CLIC2: variants seen among roughly 807,000 people sequenced by gnomAD.
CLIC2 encodes the protein CLIC family member 2, also known as chloride intracellular channel protein 2.
Under a neutral mutation model 14.8 loss-of-function variants are expected in CLIC2, and 9 were observed. The observed-to-expected ratio is 0.61, with a 90% CI of 0.37 to 1.06. CLIC2 has a LOEUF of 1.06. Among genes scored for constraint, CLIC2 ranks in the 50% least tolerant of loss-of-function variants. CLIC2 has a pLI of 0.01. For missense variants in CLIC2, 148 were observed against 181.4 expected (o/e 0.82, Z 1.06); for synonymous variants, 61 against 66.3 (o/e 0.92, Z 0.39).
intron 1 of CLIC2, among the ~76,000 whole-genome samples, chrX:155,307,498 G>T (rs1227326287): frequency 2.7e-5 from 3 of 111,104 alleles, no homozygotes; most frequent in African/African-American, 9.8e-5. Context: ...CTTTTCAAAA[G>T]AATTATTAAG....
intron 3 of CLIC2, among the ~76,000 whole-genome samples, chrX:155,287,407 C>T (rs933693260): frequency 9.0e-6 from 1 of 111,338 alleles, no homozygotes; most frequent in Non-Finnish European, 1.9e-5. Flanking sequence ...GATCTTGGCT[C>T]ACTGCAACCT....
intron 1 of CLIC2, among the ~76,000 whole-genome samples, chrX:155,304,979 T>C (rs1272474458): frequency 4.6e-5 from 5 of 108,767 alleles, no homozygotes; most frequent in African/African-American, 1.7e-4. Flanking sequence ...ACTGCTCTCT[T>C]CAAAGCTGTC....
At chrX:155,278,154 G>C (rs1280701165) in intron 5 of CLIC2, 90 bp from the exon 6 acceptor site, 1 of 780,089 alleles carries the variant, frequency 1.3e-6, no homozygotes, top group Non-Finnish European at 1.9e-6. Context: ...GATTATCAAA[G>C]GCATCTTATC....
chrX:155,312,144 G>A (rs1384877687), intron 1 of CLIC2, among the ~76,000 whole-genome samples: 1 of 112,031 alleles, frequency 8.9e-6, no homozygotes, highest in Non-Finnish European at 1.9e-5. Context: ...AGTTTCTTTT[G>A]CTGTGTAGGA....
At chrX:155,328,542 A>G (rs2075146121) in intron 1 of CLIC2, among the ~76,000 whole-genome samples, 1 of 111,810 alleles carries the variant, frequency 8.9e-6, no homozygotes. Flanking sequence ...TATGAATTGG[A>G]AGAATAAATA....
At chrX:155,281,385 C>T (rs782693535) in intron 3 of CLIC2, among the ~76,000 whole-genome samples, 3 of 110,024 alleles carry the variant, frequency 2.7e-5, no homozygotes, top group South Asian at 7.8e-4. Context: ...CTATATGAAG[C>T]GATGGATATG....
intron 1 of CLIC2, among the ~76,000 whole-genome samples, chrX:155,325,761 G>GATATATATATATAT (rs60334475): frequency 3.0e-5 from 1 of 32,861 alleles, no homozygotes; most frequent in Non-Finnish European, 5.4e-5. Flanking sequence ...AAGAAAATGT[G>GATATATATATATAT]ATATATATAT....
At chrX:155,283,461 G>A (rs2074927166) in intron 3 of CLIC2, among the ~76,000 whole-genome samples, 1 of 111,190 alleles carries the variant, frequency 9.0e-6, no homozygotes, top group Non-Finnish European at 1.9e-5. Flanking sequence ...TTAAGTTCTA[G>A]GGTACATGTG....
At chrX:155,313,673 G>T (rs1003319893) in intron 1 of CLIC2, among the ~76,000 whole-genome samples, 1 of 112,266 alleles carries the variant, frequency 8.9e-6, no homozygotes, top group East Asian at 2.8e-4. Flanking sequence ...TTCCAGGGAA[G>T]CTGAGATAAT....
chrX:155,323,413 A>G (rs2075124648), intron 1 of CLIC2, among the ~76,000 whole-genome samples: 1 of 112,448 alleles, frequency 8.9e-6, no homozygotes, highest in African/African-American at 3.2e-5. Context: ...GCATGTAAAG[A>G]GAACCAATGA....
chrX:155,326,052 T>A (rs1041624865), intron 1 of CLIC2, among the ~76,000 whole-genome samples: 1 of 108,158 alleles, frequency 9.2e-6, no homozygotes, highest in Non-Finnish European at 1.9e-5. Flanking sequence ...GATAAAAGAC[T>A]ACACATTGGG....
intron 1 of CLIC2, among the ~76,000 whole-genome samples, chrX:155,332,755 G>T (rs996807680): frequency 2.7e-5 from 3 of 112,220 alleles, no homozygotes; most frequent in African/African-American, 9.7e-5. Context: ...TGTGTGACTT[G>T]CTAAAGTTTC....
intron 3 of CLIC2, among the ~76,000 whole-genome samples, chrX:155,285,909 C>T (rs1485978017): frequency 2.8e-5 from 3 of 108,810 alleles, no homozygotes; most frequent in African/African-American, 6.7e-5. Context: ...AAGAAACTCC[C>T]CCATACCGAG....
chrX:155,304,337 T>C (rs2075036496), intron 1 of CLIC2, among the ~76,000 whole-genome samples: 1 of 100,059 alleles, frequency 1.0e-5, no homozygotes. Context: ...CATTTCATCT[T>C]CCATTGCTGA....
At chrX:155,278,473 T>A (rs971552953) in intron 5 of CLIC2, among the ~76,000 whole-genome samples, 1 of 112,440 alleles carries the variant, frequency 8.9e-6, no homozygotes, top group Non-Finnish European at 1.9e-5. Flanking sequence ...TTATGATTAA[T>A]TCATCATAAT....
chrX:155,281,635 A>T (rs1295321220), intron 3 of CLIC2, among the ~76,000 whole-genome samples: 1 of 110,958 alleles, frequency 9.0e-6, no homozygotes, highest in African/African-American at 3.3e-5. Flanking sequence ...CTTACCTTTC[A>T]AAATGTATCC....
intron 3 of CLIC2, among the ~76,000 whole-genome samples, chrX:155,288,468 G>A (rs1333650047): frequency 9.0e-6 from 1 of 111,484 alleles, no homozygotes; most frequent in Non-Finnish European, 1.9e-5. Flanking sequence ...ATTGCACATA[G>A]ATGGTACAGA....
chrX:155,329,034 A>G (rs1307017228), intron 1 of CLIC2, among the ~76,000 whole-genome samples: 6 of 111,323 alleles, frequency 5.4e-5, no homozygotes, highest in Non-Finnish European at 1.1e-4. Flanking sequence ...ACTCTCCAAG[A>G]CATTGGAGTG....
chrX:155,280,990 G>GATATATATATATATATACATATATAT (rs2074916879), intron 3 of CLIC2, among the ~76,000 whole-genome samples: 2 of 89,918 alleles, frequency 2.2e-5, no homozygotes, highest in African/African-American at 4.1e-5. Flanking sequence ...GAAATTGTGA[G>GATATATATATATATATACATATATAT]ATATATATAT....
Sources: allele counts gnomAD v4.1 joint callset (sites outside exome capture counted in the v4.1 genomes callset), GRCh38; gene constraint gnomAD v4.1.1; transcripts MANE v1.5; gene names NCBI Gene and HGNC (gene_info 2026-07-23, HGNC 2026-07-21).